The following SIPA1L1 variants were observed in gnomAD, a reference collection of about 807,000 sequenced individuals.
SIPA1L1 encodes signal induced proliferation associated 1 like 1, also known as signal-induced proliferation-associated 1-like protein 1.
SIPA1L1 carries 26 observed loss-of-function variants against 162.7 expected under a neutral mutation model. The observed-to-expected ratio is 0.16, with a 90% CI of 0.12 to 0.22. The LOEUF is 0.22. Ranked by LOEUF, SIPA1L1 falls within the 10% of genes least tolerant of loss-of-function variation. SIPA1L1 has a pLI of 1.00. For synonymous variants in SIPA1L1, 829 were observed against 837.4 expected (o/e 0.99, Z 0.17); for missense variants, 1,874 against 2,241.0 (o/e 0.84, Z 3.31).
chr14:71,322,192 A>G (rs1473479587), intron 2 of SIPA1L1, among the ~76,000 whole-genome samples: 6 of 152,196 alleles, frequency 3.9e-5, no homozygotes, highest in East Asian at 1.9e-4. Flanking sequence ...CAAACCTTTC[A>G]TGTTGAAACT....
At chr14:71,456,360 A>G (rs989046692) in intron 2 of SIPA1L1, among the ~76,000 whole-genome samples, 2 of 152,258 alleles carry the variant, frequency 1.3e-5, no homozygotes, top group African/African-American at 4.8e-5. Context: ...TCTTATTGAT[A>G]CAAGTATTCA....
At chr14:71,549,252 A>G (rs1005418973) in intron 4 of SIPA1L1, among the ~76,000 whole-genome samples, 12 of 151,944 alleles carry the variant, frequency 7.9e-5, no homozygotes, top group African/African-American at 2.9e-4. Context: ...ATTCCCATTA[A>G]TTGCCTGTCT....
intron 2 of SIPA1L1, among the ~76,000 whole-genome samples, chr14:71,392,653 G>A (rs1233163636): frequency 1.3e-5 from 2 of 151,652 alleles, no homozygotes; most frequent in South Asian, 2.1e-4. Flanking sequence ...TCAGCCTCCC[G>A]AGTAGCTGGA....
Position 71,735,383 on chromosome 14 carries a change from T to C in SIPA1L1, c.5115T>C (p.Pro1705=), listed in dbSNP as rs760372701. 6.2e-7 allele frequency: 1 copy of C among 1,611,708 alleles called. No individual in the cohort carries two copies. Among genetic ancestry groups the C allele is most frequent in the Non-Finnish European group, 8.5e-7 (1 of 1,177,774 alleles). Residue 1705 remains proline (P), a synonymous_variant, in exon 22 of 24, where the codon CCT becomes CCC. Coordinates refer to ENST00000381232, the MANE Select transcript of SIPA1L1 (RefSeq NM_001386936.1). ...LEDQALAQMK[P]YSSSKDSSPT... ...ACCAGGCTCTGGCCCAGATGAAGCC[T>C]TACAGCAGGTTGGTCCCAGTGCAAG...
intron 4 of SIPA1L1, among the ~76,000 whole-genome samples, chr14:71,544,262 GATA>G (rs529209788): frequency 9.5e-6 from 1 of 104,960 alleles, no homozygotes; most frequent in Non-Finnish European, 2.5e-5. Context: ...ATATACACAT[GATA>G]TGTGTATATA....
At chr14:71,702,076 A>G (rs2082133776) in intron 14 of SIPA1L1, among the ~76,000 whole-genome samples, 1 of 152,218 alleles carries the variant, frequency 6.6e-6, no homozygotes, top group Non-Finnish European at 1.5e-5. Flanking sequence ...ACGAGGGCTT[A>G]GAAAATTTTG....
chr14:71,605,713 T>G lies in SIPA1L1; in HGVS notation c.1499-13044T>G, dbSNP rs570900599. ...TTGTTAATGGAGGCTCTGCTGAACT[T>G]TTGCTGGTGCCTAGGAGGTGGGCCA... On this transcript the variant is annotated intron_variant, in intron 5 of 23. Transcript: ENST00000381232. 4.8e-4 allele frequency among the ~76,000 whole-genome samples: 73 copies of G among 152,306 alleles called. 1 individual carries two copies. Among genetic ancestry groups the G allele is most frequent in the African/African-American group, 1.6e-3 (66 of 41,568 alleles).
chr14:71,648,654 G>A (rs1366841384), intron 7 of SIPA1L1, among the ~76,000 whole-genome samples: 2 of 152,294 alleles, frequency 1.3e-5, no homozygotes, highest in Non-Finnish European at 1.5e-5. Flanking sequence ...TTATGCAGGG[G>A]AAACATGAAT....
chr14:71,589,353 A>C lies in SIPA1L1; in HGVS notation c.1481A>C (p.Lys494Thr). Residue 494 changes from lysine (K) to threonine (T), a missense_variant, in exon 5 of 24, where the codon AAA becomes ACA. Transcript: ENST00000381232. ...HVDLGAYYYR[K>T]FFYQKEHWNY... ...GATCTGGGTGCATACTATTATAGAA[A>C]ATTTTTCTACCAGAAGGGTAAGTAG... 6.2e-7 allele frequency: 1 copy of C among 1,604,826 alleles called. No homozygotes were observed. Among genetic ancestry groups the C allele is most frequent in the African/African-American group, 1.3e-5 (1 of 74,808 alleles).
At chr14:71,428,148 G>A (rs528278240) in intron 2 of SIPA1L1, among the ~76,000 whole-genome samples, 2 of 151,584 alleles carry the variant, frequency 1.3e-5, no homozygotes, top group Non-Finnish European at 2.9e-5. Flanking sequence ...GTGTGCCACT[G>A]TGCCTGCTAA....
intron 2 of SIPA1L1, among the ~76,000 whole-genome samples, chr14:71,363,110 C>A (rs1420553879): frequency 6.6e-6 from 1 of 152,204 alleles, no homozygotes; most frequent in Non-Finnish European, 1.5e-5. Context: ...ATCCTTTCTT[C>A]TAATACTTAT....
chr14:71,464,728 A>G (rs555657216), intron 2 of SIPA1L1, among the ~76,000 whole-genome samples: 44 of 152,250 alleles, frequency 2.9e-4, no homozygotes, highest in South Asian at 2.1e-4. Context: ...ATCCAACTCT[A>G]TGTTCCTTCC....
intron 7 of SIPA1L1, among the ~76,000 whole-genome samples, chr14:71,637,197 A>C (rs189095938): frequency 1.2e-3 from 180 of 151,904 alleles, no homozygotes; most frequent in African/African-American, 4.2e-3. Flanking sequence ...AAAATCCTCT[A>C]ACAAGACTGA....
At chr14:71,354,886 G>T (rs1395776851) in intron 2 of SIPA1L1, among the ~76,000 whole-genome samples, 1 of 152,200 alleles carries the variant, frequency 6.6e-6, no homozygotes, top group East Asian at 1.9e-4. Flanking sequence ...CATTCAGGGA[G>T]CAGGAGGCAA....
At chr14:71,733,574 T>G (rs2084998967) in intron 20 of SIPA1L1, 92 bp from the exon 21 acceptor site, 3 of 1,310,912 alleles carry the variant, frequency 2.3e-6, no homozygotes, top group Non-Finnish European at 3.2e-6. Context: ...CACAAATGGC[T>G]TACAATCTAT....
chr14:71,379,807 C>T (rs1372899056), intron 2 of SIPA1L1, among the ~76,000 whole-genome samples: 5 of 152,186 alleles, frequency 3.3e-5, no homozygotes, highest in Non-Finnish European at 5.9e-5. Context: ...TGTTTACTTT[C>T]TTTGTGCTTC....
At chr14:71,600,633 T>C (rs999801675) in intron 5 of SIPA1L1, among the ~76,000 whole-genome samples, 2 of 152,212 alleles carry the variant, frequency 1.3e-5, no homozygotes, top group Non-Finnish European at 2.9e-5. Context: ...CTGCAAAGAA[T>C]GACATTGATA....
rs1320588847 is a variant in SIPA1L1, at chr14:71,672,519, G to T, written c.3001G>T (p.Ala1001Ser). Residue 1001 changes from alanine to serine, a missense_variant, in exon 12 of 24, where the codon GCG becomes TCG. Physicochemically the swap from Ala to Ser is moderately conservative, Grantham distance 99 (BLOSUM62 1). Coordinates refer to ENST00000381232, the MANE Select transcript of SIPA1L1 (RefSeq NM_001386936.1). ...TCGCCTGGTGGAGATCTGCAAGGTG[G>T]CGGTAGCCACTCTGAGCCATGAGCA... ...GSRLVEICKVAVATLSHEQMI... is the reference protein window; with the variant it reads ...GSRLVEICKVSVATLSHEQMI... 9.3e-6 allele frequency: 15 copies of T among 1,614,016 alleles called. No individual in the cohort carries two copies. Among genetic ancestry groups the T allele is most frequent in the Non-Finnish European group, 1.2e-5 (14 of 1,180,000 alleles).
In SIPA1L1 at chr14:71,723,642, C is replaced by T. The variant is rs1597232137; in HGVS notation, c.4209-5C>T. 1 of 1,614,184 alleles carries T rather than the reference C, an allele frequency of 6.2e-7. No homozygotes were observed. Among genetic ancestry groups the T allele is most frequent in the Non-Finnish European group, 8.5e-7 (1 of 1,180,032 alleles). On this transcript the variant is annotated splice_polypyrimidine_tract_variant and splice_region_variant and intron_variant, in intron 17 of 23. Transcript: ENST00000381232. ...TACACATGTCTTTGCCCTGCTTCTC[C>T]TCAGTACCATGAGCTCCCGACACTC...
Sources: gnomAD v4.1 joint callset for allele counts (sites outside exome capture counted in the v4.1 genomes callset) on GRCh38, gnomAD v4.1.1 for gene constraint, MANE v1.5 for transcripts, NCBI Gene and HGNC (gene_info 2026-07-23, HGNC 2026-07-21) for gene names.